The following FAM220A variants were observed in gnomAD, a reference collection of about 807,000 sequenced individuals.
The protein encoded by FAM220A is family with sequence similarity 220 member A, also known as protein FAM220A.
For synonymous variants in FAM220A, 141 were observed against 130.7 expected (o/e 1.08, Z -0.54); for missense variants, 392 against 321.6 (o/e 1.22, Z -1.68).
intron 1 of FAM220A, 60 bp from the exon 2 acceptor site, chr7:6,331,295 T>A: frequency 1.3e-6 from 1 of 742,624 alleles, no homozygotes; most frequent in Non-Finnish European, 2.2e-6. Flanking sequence ...TAAGAGCATC[T>A]ACACCCACCA....
At chr7:6,334,820 G>A (rs555102059) in intron 1 of FAM220A, among the ~76,000 whole-genome samples, 1 of 151,548 alleles carries the variant, frequency 6.6e-6, no homozygotes, top group East Asian at 2.0e-4. Flanking sequence ...CCAGGCTGGA[G>A]TACAATGGCA....
intron 1 of FAM220A, among the ~76,000 whole-genome samples, chr7:6,345,469 G>A (rs963945627): frequency 3.3e-5 from 5 of 152,078 alleles, no homozygotes; most frequent in Non-Finnish European, 5.9e-5. Context: ...GGAGATGGCA[G>A]ATACTACAAT....
At chr7:6,331,671 CGCCCGGCCTAGTGGAGAACAT>C (rs1205748742) in intron 1 of FAM220A, among the ~76,000 whole-genome samples, 1 of 151,912 alleles carries the variant, frequency 6.6e-6, no homozygotes, top group Non-Finnish European at 1.5e-5. Flanking sequence ...TGAGCCACCA[CGCCCGGCCTAGTGGAGAACAT>C]TTCGTGGGCT....
chr7:6,334,022 A>C (rs140143526), intron 1 of FAM220A, among the ~76,000 whole-genome samples: 2,999 of 150,696 alleles, frequency 0.02, 120 homozygotes, highest in African/African-American at 0.069. Flanking sequence ...AATTTTTCGT[A>C]TTTTTAGTAG....
rs947104743 is a variant in FAM220A, at chr7:6,331,179, G to T, written c.-25C>A. Reference sequence around the variant, plus strand: ...TGCTTCGTGTTCTTGGATGCGGTGGGCCTGAGGTCACGCCTTCGTCAGTCT... The same window carrying T: ...TGCTTCGTGTTCTTGGATGCGGTGGTCCTGAGGTCACGCCTTCGTCAGTCT... On this transcript the variant is annotated 5_prime_UTR_variant, in exon 2 of 2. Transcript: ENST00000313324. 6.3e-7 allele frequency: 1 copy of T among 1,592,588 alleles called. No homozygotes were observed. Among genetic ancestry groups the T allele is most frequent in the South Asian group, 1.1e-5 (1 of 88,044 alleles).
In FAM220A at chr7:6,330,138, T is replaced by G; in HGVS notation, c.*237A>C. The G allele has an allele frequency of 1.9e-6, 1 of 534,706 alleles. No homozygotes were observed. The highest frequency in any genetic ancestry group is 3.4e-6 in the Non-Finnish European group (1 of 295,064). The allele number at this position is 534,706 out of a possible 1,614,324, so 33.1% of individuals were successfully genotyped here. ...ATTTATACAGGCTATGATCGTCTCCTGAAATGTTTCCCAATTCTTTATATG... is the reference window on the plus strand; with the variant it reads ...ATTTATACAGGCTATGATCGTCTCCGGAAATGTTTCCCAATTCTTTATATG... On this transcript the variant is annotated 3_prime_UTR_variant, in exon 2 of 2. Transcript: ENST00000313324.
At chr7:6,335,338 TC>T (rs1781723751) in intron 1 of FAM220A, among the ~76,000 whole-genome samples, 1 of 151,934 alleles carries the variant, frequency 6.6e-6, no homozygotes, top group South Asian at 2.1e-4. Flanking sequence ...TTCTCCTGCC[TC>T]AACCTCCTGA....
intron 1 of FAM220A, 143 bp from the exon 2 acceptor site, chr7:6,331,378 G>C (rs1781631831): frequency 1.7e-6 from 1 of 601,026 alleles, no homozygotes. Flanking sequence ...GGTAAGGCTG[G>C]TTTTGAACTC....
In FAM220A at chr7:6,331,021, G is replaced by T; in HGVS notation, c.134C>A (p.Ser45Tyr). Residue 45 changes from serine to tyrosine, a missense_variant, in exon 2 of 2, where the codon TCC (serine) becomes TAC (tyrosine). By Grantham distance (144) the Ser-to-Tyr change is moderately radical. Transcript: ENST00000313324. Reference sequence around the variant, plus strand: ...ATCAACCACAGGCTTATTCATCCAGGAGGGTGCATCTGCAGGCCAAGGGCC... The same window carrying T: ...ATCAACCACAGGCTTATTCATCCAGTAGGGTGCATCTGCAGGCCAAGGGCC... ...PEGPWPADAP[S>Y]WMNKPVVDGN... 1 of 1,614,128 alleles carries T rather than the reference G, an allele frequency of 6.2e-7. No individual in the cohort carries two copies.
At chr7:6,344,546 G>A (rs1030776017) in intron 1 of FAM220A, among the ~76,000 whole-genome samples, 1 of 152,058 alleles carries the variant, frequency 6.6e-6, no homozygotes, top group Non-Finnish European at 1.5e-5. Flanking sequence ...AGTCTCCCAA[G>A]TAGCTGGGAC....
intron 1 of FAM220A, among the ~76,000 whole-genome samples, chr7:6,346,096 G>C (rs1425845248): frequency 6.6e-6 from 1 of 151,884 alleles, no homozygotes; most frequent in African/African-American, 2.4e-5. Flanking sequence ...AATCCGGATT[G>C]GAAATCTAAA....
At chr7:6,339,268 G>A (rs777283869) in intron 1 of FAM220A, among the ~76,000 whole-genome samples, 5 of 152,046 alleles carry the variant, frequency 3.3e-5, no homozygotes, top group Non-Finnish European at 7.4e-5. Context: ...AGGAGCCGGA[G>A]ACCAGCCTGA....
chr7:6,346,921 G>A (rs1260899613), intron 1 of FAM220A, among the ~76,000 whole-genome samples: 2 of 152,134 alleles, frequency 1.3e-5, no homozygotes, highest in Admixed American at 6.6e-5. Context: ...CCCAAAGGAG[G>A]GTCCCTCCTT....
chr7:6,339,994 C>T (rs1252990357), intron 1 of FAM220A, among the ~76,000 whole-genome samples: 1 of 151,950 alleles, frequency 6.6e-6, no homozygotes, highest in Non-Finnish European at 1.5e-5. Flanking sequence ...AAGCACTTCT[C>T]CTGCCTCAGC....
chr7:6,347,907 ATT>A (rs1277902846), intron 1 of FAM220A, among the ~76,000 whole-genome samples: 1 of 146,164 alleles, frequency 6.8e-6, no homozygotes, highest in African/African-American at 2.5e-5. Flanking sequence ...TATTATTATT[ATT>A]ATTATTATTA....
chr7:6,332,767 C>T lies in FAM220A; in HGVS notation c.-81-1532G>A, dbSNP rs116255578. Among the ~76,000 whole-genome samples, 417 of 152,252 alleles carry T rather than the reference C, an allele frequency of 2.7e-3. 2 individuals are homozygous for T. The highest frequency in any genetic ancestry group is 8.8e-3 in the African/African-American group (367 of 41,542). On this transcript the variant is annotated intron_variant, in intron 1 of 1. Transcript: ENST00000313324. ...ATCAGCTACAGCTGAAAGTGGCTGA[C>T]GGGGATGGAGAAATGGCAGGTAGGA...
At chr7:6,339,637 C>G (rs4724796) in intron 1 of FAM220A, among the ~76,000 whole-genome samples, 81,987 of 151,352 alleles carry the variant, frequency 0.54, 22,881 homozygotes, top group East Asian at 0.91. Flanking sequence ...GCGCCCGCCA[C>G]CACGCCTGGG....
At position 6,330,571 on chromosome 7, in the gene FAM220A, G is replaced by A. The variant is rs770725558; in HGVS notation, c.584C>T (p.Thr195Met). ...GAGCACTTCGGGATACACGTGCAGCGTTGCAGACAGGATGGAGTGCAGGCA... is the reference window on the plus strand; with the variant it reads ...GAGCACTTCGGGATACACGTGCAGCATTGCAGACAGGATGGAGTGCAGGCA... ...PACLHSILSA[T>M]LHVYPEVLLS... The change falls in exon 2 of 2, where the codon ACG (threonine) becomes ATG (methionine). Residue 195 changes from threonine (T) to methionine (M), a missense_variant. By Grantham distance (81) the Thr-to-Met change is moderately conservative. Coordinates refer to ENST00000313324, the MANE Select transcript of FAM220A (RefSeq NM_001037163.2). The A allele has an allele frequency of 2.4e-5, 39 of 1,614,020 alleles. No homozygotes were observed. The highest frequency in any genetic ancestry group is 2.2e-5 in the South Asian group (2 of 91,090).
rs1269963055 is a variant in FAM220A at position 6,329,622 on chromosome 7, G to A, written c.*753C>T. 2 of 160,972 alleles carry A rather than the reference G, an allele frequency of 1.2e-5. No homozygotes were observed. Among genetic ancestry groups the A allele is most frequent in the East Asian group, 3.8e-4 (2 of 5,198 alleles). 10.0% of individuals were successfully genotyped at this position (160,972 alleles called of 1,614,324 possible). ...TTAAAGTTATCAACAGACGACAACA[G>A]GAGTCACCTTGAAAAATTTTAGGGT... On this transcript the variant is annotated 3_prime_UTR_variant, in exon 2 of 2. Coordinates refer to ENST00000313324, the MANE Select transcript of FAM220A (RefSeq NM_001037163.2).
Sources: allele counts gnomAD v4.1 joint callset (sites outside exome capture counted in the v4.1 genomes callset), GRCh38; gene constraint gnomAD v4.1.1; transcripts MANE v1.5; gene names NCBI Gene and HGNC (gene_info 2026-07-23, HGNC 2026-07-21).